NFIB: variants seen among roughly 807,000 people sequenced by gnomAD.
NFIB encodes the protein nuclear factor I B, also known as nuclear factor 1 B-type.
NFIB carries 11 observed loss-of-function variants against 61.5 expected under a neutral mutation model. The ratio of observed to expected loss-of-function variants is 0.18; its 90% CI spans 0.11 to 0.30. NFIB has a LOEUF of 0.30. Among genes scored for constraint, NFIB ranks in the 10% least tolerant of loss-of-function variants. The probability of loss-of-function intolerance (pLI) is 1.00; values close to 1 mark genes in which losing one functional copy is unlikely to be tolerated. For synonymous variants in NFIB, 260 were observed against 216.5 expected (o/e 1.20, Z -1.76); for missense variants, 471 against 608.9 (o/e 0.77, Z 2.38).
chr9:14,490,467 GATT>G, the NFIB span, among the ~76,000 whole-genome samples: 6 of 152,102 alleles, frequency 3.9e-5, no homozygotes, highest in Non-Finnish European at 8.8e-5. Context: ...TAATACATTT[GATT>G]ATGTTAAACA....
chr9:14,414,262 T>C, the NFIB span, among the ~76,000 whole-genome samples: 1 of 151,812 alleles, frequency 6.6e-6, no homozygotes, highest in Non-Finnish European at 1.5e-5. Flanking sequence ...TGGTGAAACC[T>C]CATCTCTACT....
chr9:14,217,752 C>A (rs2051111967), intron 2 of NFIB, among the ~76,000 whole-genome samples: 1 of 150,838 alleles, frequency 6.6e-6, no homozygotes, highest in Non-Finnish European at 1.5e-5. Context: ...TCCAAACACT[C>A]ATATTGCTAA....
the NFIB span, among the ~76,000 whole-genome samples, chr9:14,433,544 A>G: frequency 6.6e-6 from 1 of 152,230 alleles, no homozygotes; most frequent in Admixed American, 6.5e-5. Flanking sequence ...GCCTGGTTAA[A>G]CAGGATTTCC....
At chr9:14,240,796 C>G (rs926767719) in intron 2 of NFIB, among the ~76,000 whole-genome samples, 1 of 152,158 alleles carries the variant, frequency 6.6e-6, no homozygotes, top group Non-Finnish European at 1.5e-5. Flanking sequence ...CAAACTCTCC[C>G]AAGCCTCAGT....
the NFIB span, among the ~76,000 whole-genome samples, chr9:14,428,539 G>C: frequency 1.3e-5 from 2 of 152,126 alleles, no homozygotes; most frequent in African/African-American, 4.8e-5. Flanking sequence ...GCAGAAATAA[G>C]AACAAGAGAA....
chr9:14,274,921 G>C (rs1001957757), intron 2 of NFIB, among the ~76,000 whole-genome samples: 3 of 152,162 alleles, frequency 2.0e-5, no homozygotes, highest in Non-Finnish European at 4.4e-5. Context: ...CAAGTGAACT[G>C]TATAGTAAGG....
At chr9:14,115,897 C>A (rs1010479067) in intron 9 of NFIB, among the ~76,000 whole-genome samples, 3 of 152,188 alleles carry the variant, frequency 2.0e-5, no homozygotes, top group African/African-American at 7.2e-5. Context: ...TTACTCAGTG[C>A]AATTTCAATG....
At chr9:14,111,447 G>A (rs2119008851) in intron 10 of NFIB, among the ~76,000 whole-genome samples, 1 of 152,200 alleles carries the variant, frequency 6.6e-6, no homozygotes, top group African/African-American at 2.4e-5. Flanking sequence ...CATGTTTTAT[G>A]CATTAAAAAT....
the NFIB span, among the ~76,000 whole-genome samples, chr9:14,529,496 A>T: frequency 6.6e-6 from 1 of 152,172 alleles, no homozygotes; most frequent in Non-Finnish European, 1.5e-5. Flanking sequence ...AGAACCTTAA[A>T]ACACATTTAA....
chr9:14,175,391 G>A (rs946645726), intron 3 of NFIB, among the ~76,000 whole-genome samples: 1 of 151,804 alleles, frequency 6.6e-6, no homozygotes, highest in Non-Finnish European at 1.5e-5. Context: ...AGCCAGAATG[G>A]TCTCGATCTC....
the NFIB span, among the ~76,000 whole-genome samples, chr9:14,419,038 A>T: frequency 4.6e-5 from 7 of 152,032 alleles, no homozygotes; most frequent in East Asian, 1.4e-3. Context: ...TTAAATTCCA[A>T]ATGTCTATCG....
chr9:14,363,736 G>C (rs577168158), intron 1 of NFIB, among the ~76,000 whole-genome samples: 7 of 152,020 alleles, frequency 4.6e-5, no homozygotes, highest in South Asian at 2.1e-4. Flanking sequence ...GAGAAAAGCA[G>C]TTAAAATTTT....
At position 14,307,287 on chromosome 9, in the gene NFIB, A is replaced by G. The variant is rs2060066830; in HGVS notation, c.264T>C (p.Tyr88=). 1 of 1,613,966 alleles carries G rather than the reference A, an allele frequency of 6.2e-7. No homozygotes were observed. The highest frequency in any genetic ancestry group is 8.5e-7 in the Non-Finnish European group (1 of 1,179,994). The change falls in exon 2 of 11, where the codon TAT becomes TAC. Residue 88 remains tyrosine (Y), a synonymous_variant. Transcript: ENST00000380953. The surrounding 1 kb of genome is among the most constrained non-coding windows in gnomAD (Gnocchi z 5.3). ...TCACGGTGAGCACAAAGTCCTCTCG[A>G]TACTCCTGGCGAATATCTTTGCGCA... The part of the protein sequence containing the change: ...AKLRKDIRQE[Y]REDFVLTVTG...
At chr9:14,104,618 TG>T (rs1292710408) in intron 10 of NFIB, among the ~76,000 whole-genome samples, 1 of 152,088 alleles carries the variant, frequency 6.6e-6, no homozygotes, top group Non-Finnish European at 1.5e-5. Flanking sequence ...TTTCCCTCTG[TG>T]GCCCATGCTG....
At chr9:14,334,159 A>G (rs2060856057) in intron 1 of NFIB, among the ~76,000 whole-genome samples, 1 of 152,224 alleles carries the variant, frequency 6.6e-6, no homozygotes. Flanking sequence ...GCCAATATAA[A>G]TAATGGAGAT....
chr9:14,495,740 A>G, the NFIB span, among the ~76,000 whole-genome samples: 1 of 152,202 alleles, frequency 6.6e-6, no homozygotes, highest in Non-Finnish European at 1.5e-5. Context: ...AGTGTACAAG[A>G]AAAGCCTCTT....
At chr9:14,304,554 T>G (rs900815704) in intron 2 of NFIB, among the ~76,000 whole-genome samples, 1 of 152,242 alleles carries the variant, frequency 6.6e-6, no homozygotes, top group African/African-American at 2.4e-5. Flanking sequence ...CTGTTCTTTC[T>G]CATGTTTTTC....
chr9:14,420,213 G>A, the NFIB span, among the ~76,000 whole-genome samples: 6 of 152,140 alleles, frequency 3.9e-5, no homozygotes, highest in East Asian at 7.8e-4. Context: ...TTGGGAGGCC[G>A]AGAAGGGCAG....
At chr9:14,121,374 C>A (rs530087143) in intron 7 of NFIB, among the ~76,000 whole-genome samples, 1 of 152,246 alleles carries the variant, frequency 6.6e-6, no homozygotes, top group African/African-American at 2.4e-5. Context: ...AAGTAGAGGG[C>A]AAAAGAGCCA....
Sources: allele counts gnomAD v4.1 joint callset (sites outside exome capture counted in the v4.1 genomes callset), GRCh38; gene constraint gnomAD v4.1.1; non-coding constraint Gnocchi (gnomAD v3.1); transcripts MANE v1.5; gene names NCBI Gene and HGNC (gene_info 2026-07-23, HGNC 2026-07-21).